The following APBA2 variants were observed in gnomAD, a reference collection of about 807,000 sequenced individuals.
APBA2 encodes amyloid beta precursor protein binding family A member 2, also known as amyloid-beta A4 precursor protein-binding family A member 2.
A neutral mutation model predicts 75.0 loss-of-function variants in APBA2; 30 were observed. The observed-to-expected ratio is 0.40, with a 90% CI of 0.30 to 0.54. The LOEUF (loss-of-function observed/expected upper bound fraction) is 0.54. APBA2 is among the 20% of genes least tolerant of loss of function. APBA2 has a pLI of 0.49. For missense variants in APBA2, 801 were observed against 1,016.1 expected, an observed-to-expected ratio of 0.79 and a Z score of 2.88; for synonymous variants, 444 against 409.6, an observed-to-expected ratio of 1.08 and a Z score of -1.01.
chr15:28,961,816 C>T (rs1460884924), intron 2 of APBA2, among the ~76,000 whole-genome samples: 7 of 152,114 alleles, frequency 4.6e-5, no homozygotes, highest in Admixed American at 2.6e-4. Flanking sequence ...TAATCAGTCT[C>T]GGGTATAGAT....
At chr15:29,024,442 C>T (rs1278476714) in intron 3 of APBA2, among the ~76,000 whole-genome samples, 5 of 152,202 alleles carry the variant, frequency 3.3e-5, no homozygotes, top group East Asian at 1.9e-4. Flanking sequence ...GCGGAGACAG[C>T]ACTGTGGGCC....
At position 29,117,487 on chromosome 15, in the gene APBA2, C is replaced by G. The variant is rs1172326917; in HGVS notation, c.*354C>G. ...GCTGTGCGGAGCGAACTGGCGCCTC[C>G]GAGGGACGCGGCTCCCGGGGCAGGG... On this transcript the variant is annotated 3_prime_UTR_variant, in exon 15 of 15. Transcript: ENST00000683413. 2 of 301,866 alleles carry G rather than the reference C, an allele frequency of 6.6e-6. No individual in the cohort carries two copies. The highest frequency in any genetic ancestry group is 1.3e-5 in the Non-Finnish European group (2 of 158,622). 18.7% of individuals were successfully genotyped at this position (301,866 alleles called of 1,614,324 possible). A position where few individuals can be genotyped will look rare whatever the true frequency, so the allele number is the denominator to read the frequency against.
chr15:29,021,882 T>C (rs1405244650), intron 3 of APBA2, among the ~76,000 whole-genome samples: 1 of 152,036 alleles, frequency 6.6e-6, no homozygotes, highest in African/African-American at 2.4e-5. Flanking sequence ...TGAATATAAG[T>C]GAGATCATGC....
At chr15:29,056,750 C>G (rs572828268) in intron 4 of APBA2, among the ~76,000 whole-genome samples, 2 of 151,272 alleles carry the variant, frequency 1.3e-5, no homozygotes, top group Non-Finnish European at 2.9e-5. Flanking sequence ...TGACAAGTAC[C>G]CTGGTGCCAG....
intron 2 of APBA2, among the ~76,000 whole-genome samples, chr15:28,938,239 C>A (rs2034989970): frequency 6.6e-6 from 1 of 152,212 alleles, no homozygotes; most frequent in Admixed American, 6.5e-5. Flanking sequence ...AACAACTCTA[C>A]TCTTTAAGTA....
intron 1 of APBA2, among the ~76,000 whole-genome samples, chr15:28,914,174 G>T (rs1173513343): frequency 6.6e-6 from 1 of 152,164 alleles, no homozygotes; most frequent in East Asian, 1.9e-4. Context: ...TTCCATTGGT[G>T]CTGCAGTTGA....
chr15:29,050,257 A>G (rs896487603), intron 3 of APBA2, among the ~76,000 whole-genome samples: 1 of 152,242 alleles, frequency 6.6e-6, no homozygotes, highest in Admixed American at 6.5e-5. Flanking sequence ...AAAGGATGCA[A>G]TACAATAATC....
chr15:29,002,907 A>G (rs932601695), intron 3 of APBA2, among the ~76,000 whole-genome samples: 1 of 152,098 alleles, frequency 6.6e-6, no homozygotes, highest in African/African-American at 2.4e-5. Flanking sequence ...TTGATCTTTC[A>G]TCTCGAAGGA....
chr15:28,935,375 C>T (rs1013332809), intron 2 of APBA2, among the ~76,000 whole-genome samples: 4 of 152,258 alleles, frequency 2.6e-5, no homozygotes, highest in African/African-American at 9.6e-5. Context: ...AGGGTCCAGG[C>T]GGGTGGATTT....
chr15:28,894,244 G>T (rs1205361399), intron 1 of APBA2, among the ~76,000 whole-genome samples: 1 of 152,174 alleles, frequency 6.6e-6, no homozygotes, highest in African/African-American at 2.4e-5. Context: ...TTTGCCTGGA[G>T]CTCTGTCCAT....
chr15:29,045,403 A>G (rs1384069315), intron 3 of APBA2, among the ~76,000 whole-genome samples: 2 of 151,756 alleles, frequency 1.3e-5, no homozygotes, highest in East Asian at 1.9e-4. Context: ...GGTCTCTTTC[A>G]TAAGGGCACA....
intron 3 of APBA2, among the ~76,000 whole-genome samples, chr15:29,003,281 T>A (rs1173584247): frequency 6.6e-6 from 1 of 152,176 alleles, no homozygotes; most frequent in African/African-American, 2.4e-5. Flanking sequence ...ATGAAGGTTG[T>A]CTTCAGAAAC....
rs374328379 is a variant in APBA2 at position 29,074,350 on chromosome 15, G to A, written c.952-571G>A. ...TTCTGCCATGTGCTTCAATGTGGAC[G>A]ACCCTTCAGGACATTTTGCTGAGTG... is the stretch of plus-strand genomic sequence containing the variant. On this transcript the variant is annotated intron_variant, in intron 4 of 14. Coordinates refer to ENST00000683413, the MANE Select transcript of APBA2 (RefSeq NM_001353788.2). Among the ~76,000 whole-genome samples the A allele has an allele frequency of 7.3e-4, 111 of 152,290 alleles. No homozygotes were observed. The South Asian group carries it at 0.022, about 30-fold the overall frequency.
chr15:29,116,627 C>CAA (rs531479741), intron 14 of APBA2, among the ~76,000 whole-genome samples: 67 of 116,760 alleles, frequency 5.7e-4, no homozygotes, highest in Middle Eastern at 4.5e-3. Flanking sequence ...GACTCCGTCT[C>CAA]AAAAAAAAAA....
intron 3 of APBA2, among the ~76,000 whole-genome samples, chr15:29,007,181 G>A (rs752429446): frequency 6.6e-6 from 1 of 152,142 alleles, no homozygotes; most frequent in Non-Finnish European, 1.5e-5. Context: ...TCTTCAAATG[G>A]TGTTGGAAAA....
At position 28,980,636 on chromosome 15, in the gene APBA2, C is replaced by T. The variant is rs144786744; in HGVS notation, c.-94-15117C>T. ...TACTGCCCAAAGCAATTGACAGATT[C>T]AGTGCTCTTCCTATCAAACTGCCAA... On this transcript the variant is annotated intron_variant, in intron 2 of 14. Coordinates refer to ENST00000683413, the MANE Select transcript of APBA2 (RefSeq NM_001353788.2). 7.2e-5 allele frequency among the ~76,000 whole-genome samples: 11 copies of T among 152,320 alleles called. 1 individual carries two copies. The highest frequency in any genetic ancestry group is 2.2e-4 in the African/African-American group (9 of 41,578).
chr15:28,985,902 T>G (rs1022272601), intron 2 of APBA2, among the ~76,000 whole-genome samples: 1 of 152,196 alleles, frequency 6.6e-6, no homozygotes, highest in Non-Finnish European at 1.5e-5. Context: ...TCCTTCCTGA[T>G]GGCTTCAGGA....
chr15:28,911,902 G>A (rs1015933360), intron 1 of APBA2, among the ~76,000 whole-genome samples: 2 of 152,248 alleles, frequency 1.3e-5, no homozygotes, highest in Admixed American at 6.5e-5. Context: ...GTGAGCTGCT[G>A]AAGCCAGACG....
At chr15:28,956,585 C>A (rs2036179712) in intron 2 of APBA2, among the ~76,000 whole-genome samples, 1 of 152,148 alleles carries the variant, frequency 6.6e-6, no homozygotes, top group South Asian at 2.1e-4. Context: ...ACATAGGATT[C>A]ACCTTCTGGA....
Sources: gnomAD v4.1 joint callset for allele counts (sites outside exome capture counted in the v4.1 genomes callset) on GRCh38, gnomAD v4.1.1 for gene constraint, MANE v1.5 for transcripts, NCBI Gene and HGNC (gene_info 2026-07-23, HGNC 2026-07-21) for gene names.